OLA1: variants seen among roughly 807,000 people sequenced by gnomAD.
The protein encoded by OLA1 is Obg like ATPase 1.
In OLA1, 14 loss-of-function variants were observed where a neutral mutation model predicts 48.4. The observed-to-expected ratio is 0.29, with a 90% CI of 0.19 to 0.45. OLA1 has a LOEUF of 0.45. OLA1 is among the 20% of genes least tolerant of loss of function. The pLI, the probability that OLA1 is intolerant of heterozygous loss-of-function variation, is 1.00. For missense variants in OLA1, 325 were observed against 467.1 expected (o/e 0.70, Z 2.80); for synonymous variants, 127 against 150.4 (o/e 0.84, Z 1.14).
At chr2:174,229,563 TAC>T in intron 2 of OLA1, 112 bp from the exon 3 acceptor site, 2 of 730,978 alleles carry the variant, frequency 2.7e-6, no homozygotes, top group Non-Finnish European at 4.4e-6. Context: ...AAAACCAATC[TAC>T]AAAGAGAGGG....
intron 5 of OLA1, among the ~76,000 whole-genome samples, chr2:174,141,451 A>G (rs562944016): frequency 1.3e-5 from 2 of 152,352 alleles, no homozygotes; most frequent in East Asian, 3.9e-4. Context: ...GTCCACCCCT[A>G]TGGAGAACCA....
At chr2:174,221,809 C>G (rs1331509937) in intron 4 of OLA1, among the ~76,000 whole-genome samples, 1 of 152,162 alleles carries the variant, frequency 6.6e-6, no homozygotes, top group Non-Finnish European at 1.5e-5. Context: ...ACTCTACCTT[C>G]TCTATGAAAT....
At chr2:174,231,644 C>A (rs182642010) in intron 2 of OLA1, among the ~76,000 whole-genome samples, 1 of 152,244 alleles carries the variant, frequency 6.6e-6, no homozygotes, top group East Asian at 1.9e-4. Flanking sequence ...AAAATTCTTA[C>A]ATACATTCAA....
At chr2:174,092,307 T>C (rs1255943010) in intron 7 of OLA1, among the ~76,000 whole-genome samples, 1 of 152,008 alleles carries the variant, frequency 6.6e-6, no homozygotes, top group Non-Finnish European at 1.5e-5. Flanking sequence ...TCAATAAATG[T>C]TGGATCAGTG....
intron 4 of OLA1, among the ~76,000 whole-genome samples, chr2:174,165,174 T>C (rs934499934): frequency 2.0e-5 from 3 of 152,212 alleles, no homozygotes; most frequent in African/African-American, 4.8e-5. Flanking sequence ...AATTCTACTG[T>C]AACTGAAAGT....
At chr2:174,102,919 T>C (rs1193871099) in intron 7 of OLA1, among the ~76,000 whole-genome samples, 13 of 152,174 alleles carry the variant, frequency 8.5e-5, no homozygotes, top group Non-Finnish European at 1.6e-4. Flanking sequence ...TATTTTTTCC[T>C]TCATTTGTAC....
intron 5 of OLA1, among the ~76,000 whole-genome samples, chr2:174,124,569 G>A (rs1189716791): frequency 1.3e-5 from 2 of 152,140 alleles, no homozygotes; most frequent in Non-Finnish European, 2.9e-5. Context: ...ACAGGCAGGT[G>A]TTAATAAAAG....
chr2:174,109,742 G>GA (rs200556255), intron 7 of OLA1, among the ~76,000 whole-genome samples: 358 of 148,386 alleles, frequency 2.4e-3, no homozygotes, highest in African/African-American at 7.8e-3. Flanking sequence ...TAAGACTCAG[G>GA]AAAAAAAAAC....
chr2:174,110,802 G>A lies in OLA1; in HGVS notation c.728+12378C>T, dbSNP rs562097680. On this transcript the variant is annotated intron_variant, in intron 7 of 10. Transcript: ENST00000284719. ...TACCTATATTGCTTAGGCTGGTCTC[G>A]AAATCCTGGCCTCAAATGATCCTCC... 1.1e-4 allele frequency among the ~76,000 whole-genome samples: 16 copies of A among 152,142 alleles called. No individual in the cohort carries two copies. The East Asian group carries it at 1.2e-3, about 11-fold the overall frequency.
chr2:174,123,644 A>G lies in OLA1; in HGVS notation c.581T>C (p.Ile194Thr), dbSNP rs759301746. The change falls in exon 6 of 11, where the codon ATA becomes ACA. Residue 194 changes from isoleucine to threonine, a missense_variant. Coordinates refer to ENST00000284719, the MANE Select transcript of OLA1 (RefSeq NM_013341.5). ...GAAGCGAACAGGTTTCTTTTGATCT[A>G]TAACCCAGGATTTTACTTTGCACAT... is the stretch of plus-strand genomic sequence containing the variant. The part of the protein sequence containing the change: ...DIMCKVKSWV[I>T]DQKKPVRFYH... 2.5e-6 allele frequency: 4 copies of G among 1,596,396 alleles called. No individual in the cohort carries two copies. The highest frequency in any genetic ancestry group is 3.4e-6 in the Non-Finnish European group (4 of 1,172,664).
At chr2:174,151,123 G>A (rs1465398543) in intron 4 of OLA1, among the ~76,000 whole-genome samples, 1 of 151,982 alleles carries the variant, frequency 6.6e-6, no homozygotes, top group African/African-American at 2.4e-5. Context: ...GTCATAGGGA[G>A]CCAATCATGA....
rs571086345 is a variant in OLA1 at position 174,248,031 on chromosome 2, G to C, written c.-1+421C>G. ...AGTAGTATTCCAGCCTCTGATCCCT[G>C]ACCCCGAGGGCCAGGAATTTCCCTT... On this transcript the variant is annotated intron_variant, in intron 1 of 10. Coordinates refer to ENST00000284719, the MANE Select transcript of OLA1 (RefSeq NM_013341.5). The C allele has an allele frequency of 9.2e-5, 34 of 367,890 alleles. No homozygotes were observed. In the South Asian group the frequency reaches 1.0e-3, roughly 11 times the overall value. The allele number at this position is 367,890 out of a possible 1,614,324, so 22.8% of individuals were successfully genotyped here.
At chr2:174,173,980 A>G (rs1215738467) in intron 4 of OLA1, among the ~76,000 whole-genome samples, 3 of 151,400 alleles carry the variant, frequency 2.0e-5, no homozygotes, top group Non-Finnish European at 4.4e-5. Context: ...CATCAGTTCA[A>G]GAAATTGAAT....
chr2:174,232,148 A>T (rs1444328713), intron 2 of OLA1, among the ~76,000 whole-genome samples: 1 of 152,190 alleles, frequency 6.6e-6, no homozygotes, highest in East Asian at 1.9e-4. Context: ...TGCCCCCTAG[A>T]CTTAGGACCT....
chr2:174,202,115 A>T (rs1249007070), intron 4 of OLA1, among the ~76,000 whole-genome samples: 1 of 152,216 alleles, frequency 6.6e-6, no homozygotes, highest in Non-Finnish European at 1.5e-5. Context: ...TATGTCATGA[A>T]TGCATAAAAA....
Position 174,144,947 on chromosome 2 carries a change from A to ATATATATAT in OLA1, c.374-2948_374-2947insATATATATA, listed in dbSNP as rs1553483385. ...ACCCTGTTTAAAAAAAAAAAAAAAA[A>ATATATATAT]AAAAATATATATATATATATATATA... On this transcript the variant is annotated intron_variant, in intron 4 of 10. Coordinates refer to ENST00000284719, the MANE Select transcript of OLA1 (RefSeq NM_013341.5). Among the ~76,000 whole-genome samples the ATATATATAT allele has an allele frequency of 3.4e-4, 22 of 64,788 alleles. No homozygotes were observed. The East Asian group carries it at 4.8e-3, about 14-fold the overall frequency. 42.5% of individuals were successfully genotyped at this position (64,788 alleles called of 152,430 possible).
At chr2:174,096,962 C>G (rs1271576344) in intron 7 of OLA1, among the ~76,000 whole-genome samples, 1 of 152,104 alleles carries the variant, frequency 6.6e-6, no homozygotes, top group African/African-American at 2.4e-5. Flanking sequence ...TCGAGACCAG[C>G]CTGGCCAACA....
intron 7 of OLA1, among the ~76,000 whole-genome samples, chr2:174,103,087 C>G (rs981878658): frequency 1.3e-5 from 2 of 151,978 alleles, no homozygotes; most frequent in African/African-American, 4.8e-5. Context: ...TGCTTATATG[C>G]TACTGGGGAA....
chr2:174,205,740 T>C (rs529158874), intron 4 of OLA1, among the ~76,000 whole-genome samples: 2 of 151,718 alleles, frequency 1.3e-5, no homozygotes, highest in East Asian at 3.9e-4. Flanking sequence ...AGAGTTGGAG[T>C]GGGAGGAGAA....
Sources: allele counts gnomAD v4.1 joint callset (sites outside exome capture counted in the v4.1 genomes callset), GRCh38; gene constraint gnomAD v4.1.1; transcripts MANE v1.5; gene names NCBI Gene and HGNC (gene_info 2026-07-23, HGNC 2026-07-21).